Variants in VPS13B observed in about 807,000 individuals in gnomAD.
VPS13B encodes vacuolar protein sorting 13 homolog B.
A neutral mutation model predicts 426.4 loss-of-function variants in VPS13B; 285 were observed. The ratio of observed to expected loss-of-function variants is 0.67; its 90% CI spans 0.61 to 0.74. The LOEUF is 0.74. VPS13B is among the 30% of genes least tolerant of loss of function. VPS13B has a pLI of 0.00. For synonymous variants in VPS13B, 1,676 were observed against 1,676.4 expected (o/e 1.00, Z 0.01); for missense variants, 4,537 against 4,782.6 (o/e 0.95, Z 1.51).
chr8:99,326,738 C>G (rs1408558703), intron 19 of VPS13B, among the ~76,000 whole-genome samples: 1 of 151,868 alleles, frequency 6.6e-6, no homozygotes, highest in Non-Finnish European at 1.5e-5. Flanking sequence ...TTGTTAGTCT[C>G]CTACAAATAT....
chr8:99,075,551 A>G (rs113393836), intron 3 of VPS13B, among the ~76,000 whole-genome samples: 5 of 152,308 alleles, frequency 3.3e-5, no homozygotes, highest in Non-Finnish European at 5.9e-5. Context: ...TGAGGGGCCA[A>G]ATTCCCAAGC....
At chr8:99,462,503 C>G (rs1818894780) in intron 23 of VPS13B, among the ~76,000 whole-genome samples, 1 of 152,064 alleles carries the variant, frequency 6.6e-6, no homozygotes, top group African/African-American at 2.4e-5. Context: ...CTCTTAAATA[C>G]AGGTATTCTT....
At chr8:99,308,324 C>G (rs952416700) in intron 19 of VPS13B, among the ~76,000 whole-genome samples, 5 of 152,080 alleles carry the variant, frequency 3.3e-5, no homozygotes, top group Non-Finnish European at 7.4e-5. Flanking sequence ...TGCTATCTCT[C>G]CCCTCTCCCC....
chr8:99,822,679 C>T (rs1300090513), intron 50 of VPS13B, among the ~76,000 whole-genome samples: 1 of 152,176 alleles, frequency 6.6e-6, no homozygotes, highest in Non-Finnish European at 1.5e-5. Flanking sequence ...CTCAGGACCT[C>T]TTTATACTCT....
At chr8:99,478,451 T>TTTTG (rs1819838024) in intron 24 of VPS13B, among the ~76,000 whole-genome samples, 1 of 124,452 alleles carries the variant, frequency 8.0e-6, no homozygotes, top group African/African-American at 3.2e-5. Context: ...TGTTTTGTTT[T>TTTTG]TTTTTTTTTT....
intron 35 of VPS13B, among the ~76,000 whole-genome samples, chr8:99,669,887 A>T (rs1035082212): frequency 6.6e-6 from 1 of 152,102 alleles, no homozygotes; most frequent in African/African-American, 2.4e-5. Flanking sequence ...AATGATTTTC[A>T]TTTCTACTTT....
At position 99,289,066 on chromosome 8, in the gene VPS13B, A is replaced by AAG. The variant is rs1350775653; in HGVS notation, c.2824+13812_2824+13813insAG. 8.8e-5 allele frequency among the ~76,000 whole-genome samples: 4 copies of AAG among 45,632 alleles called. No individual in the cohort carries two copies. In the South Asian group the frequency reaches 3.2e-3, roughly 37 times the overall value. The allele number at this position is 45,632 out of a possible 152,430, so 29.9% of individuals were successfully genotyped here. On this transcript the variant is annotated intron_variant, in intron 19 of 61. Transcript: ENST00000357162. ...ATGAATGAATGAATGAATGAATGAA[A>AAG]GAAGGAAGGAAGGAAGGAAAGAAAG...
intron 30 of VPS13B, among the ~76,000 whole-genome samples, chr8:99,541,320 A>G (rs1823603970): frequency 6.6e-6 from 1 of 152,200 alleles, no homozygotes; most frequent in Non-Finnish European, 1.5e-5. Flanking sequence ...TATATTCTTA[A>G]GAATAAGCAT....
Position 99,135,620 on chromosome 8 carries a change from G to A in VPS13B, c.1450G>A (p.Asp484Asn), listed in dbSNP as rs1810031500. ...GGAAGCCTGTTTCTTCATTTGTGGT[G>A]ACAATTTGAGTACGAAAGGTTTCAC... Reference protein sequence around the residue: ...ETEACFFICGDNLSTKGFTYL... With the variant: ...ETEACFFICGNNLSTKGFTYL... The change falls in exon 11 of 62, where the codon GAC (aspartate) becomes AAC (asparagine). Residue 484 changes from aspartate (D) to asparagine (N), a missense_variant. By Grantham distance (23) the Asp-to-Asn change is conservative (BLOSUM62 1). This residue lies in a region of VPS13B where 4,311 missense variants were observed against 4,474.3 expected (regional missense o/e 0.96). Transcript: ENST00000357162. The A allele has an allele frequency of 6.2e-7, 1 of 1,613,136 alleles. No individual in the cohort carries two copies. Among genetic ancestry groups the A allele is most frequent in the East Asian group, 2.2e-5 (1 of 44,804 alleles).
intron 51 of VPS13B, among the ~76,000 whole-genome samples, chr8:99,824,550 A>G (rs1349382366): frequency 1.3e-5 from 2 of 152,012 alleles, no homozygotes; most frequent in Non-Finnish European, 2.9e-5. Flanking sequence ...ATTTTAAGAG[A>G]GGAGAGATTT....
intron 17 of VPS13B, among the ~76,000 whole-genome samples, chr8:99,266,265 A>G (rs1333704523): frequency 6.6e-6 from 1 of 151,966 alleles, no homozygotes; most frequent in East Asian, 1.9e-4. Context: ...CAAAAAAAAA[A>G]CAGGTGTGAT....
At chr8:99,731,749 G>A (rs1833608200) in intron 39 of VPS13B, among the ~76,000 whole-genome samples, 1 of 152,186 alleles carries the variant, frequency 6.6e-6, no homozygotes, top group African/African-American at 2.4e-5. Flanking sequence ...AATTTAATGA[G>A]GAAGTAAGAG....
intron 16 of VPS13B, among the ~76,000 whole-genome samples, chr8:99,170,494 G>A (rs1812267945): frequency 6.6e-6 from 1 of 151,552 alleles, no homozygotes; most frequent in East Asian, 1.9e-4. Context: ...ATTTTAAAAA[G>A]TTATAAATTA....
intron 17 of VPS13B, among the ~76,000 whole-genome samples, chr8:99,226,991 T>C (rs1477003540): frequency 6.6e-6 from 1 of 152,200 alleles, no homozygotes; most frequent in African/African-American, 2.4e-5. Context: ...ACCTTCTGTC[T>C]AACTGTATGT....
rs1829379611 is a variant in VPS13B at position 99,641,827 on chromosome 8, A to G, written c.5237A>G (p.Gln1746Arg). 1 of 1,611,062 alleles carries G rather than the reference A, an allele frequency of 6.2e-7. No individual in the cohort carries two copies. Among genetic ancestry groups the G allele is most frequent in the Non-Finnish European group, 8.5e-7 (1 of 1,177,716 alleles). ...TTCTTACAGATCTCTAAACAAGAAC[A>G]GAAAAAAGTGGATATATTTGATGGA... is the stretch of plus-strand genomic sequence containing the variant. ...NKAAEISKQE[Q>R]KKVDIFDGGM... Residue 1746 changes from glutamine (Q) to arginine (R), a missense_variant, in exon 34 of 62, where the codon CAG becomes CGG. Coordinates refer to ENST00000357162, the MANE Select transcript of VPS13B (RefSeq NM_152564.5).
At chr8:99,560,312 G>A (rs1463205538) in intron 31 of VPS13B, among the ~76,000 whole-genome samples, 1 of 152,162 alleles carries the variant, frequency 6.6e-6, no homozygotes. Context: ...TTTGGGCTGA[G>A]ACGATGGGAT....
intron 7 of VPS13B, among the ~76,000 whole-genome samples, chr8:99,118,546 A>C (rs1188827159): frequency 6.6e-6 from 1 of 151,958 alleles, no homozygotes; most frequent in Non-Finnish European, 1.5e-5. Flanking sequence ...TTCCCCTTTC[A>C]CCTGCCTGCC....
At chr8:99,714,017 G>A (rs745790177) in intron 36 of VPS13B, among the ~76,000 whole-genome samples, 46 of 151,734 alleles carry the variant, frequency 3.0e-4, no homozygotes, top group Non-Finnish European at 5.7e-4. Context: ...GTGGGTGCCT[G>A]TAATCCAAGC....
chr8:99,727,745 A>T (rs1486610080), intron 39 of VPS13B, among the ~76,000 whole-genome samples: 1 of 152,212 alleles, frequency 6.6e-6, no homozygotes, highest in Admixed American at 6.5e-5. Flanking sequence ...CACAGAGCCA[A>T]ACAGTATCAG....
Sources: allele counts gnomAD v4.1 joint callset (sites outside exome capture counted in the v4.1 genomes callset), GRCh38; gene constraint gnomAD v4.1.1; regional missense constraint gnomAD v4.1.1; transcripts MANE v1.5; gene names NCBI Gene and HGNC (gene_info 2026-07-23, HGNC 2026-07-21).